ELOVL7: variants seen among roughly 807,000 people sequenced by gnomAD.
ELOVL7 encodes the protein ELOVL fatty acid elongase 7.
ELOVL7 carries 27 observed loss-of-function variants against 35.7 expected under a neutral mutation model. The observed-to-expected ratio is 0.76, with a 90% CI of 0.56 to 1.04. ELOVL7 has a LOEUF of 1.04. ELOVL7 is among the 50% of genes least tolerant of loss of function. The pLI is 0.00. For synonymous variants in ELOVL7, 113 were observed against 114.6 expected (o/e 0.99, Z 0.09); for missense variants, 327 against 340.8 (o/e 0.96, Z 0.32).
intron 3 of ELOVL7, among the ~76,000 whole-genome samples, chr5:60,773,717 A>T (rs1742738572): frequency 1.3e-5 from 2 of 152,252 alleles, no homozygotes; most frequent in South Asian, 4.1e-4. Context: ...GCTTGGGAGA[A>T]AAATGAGTTT....
intron 1 of ELOVL7, among the ~76,000 whole-genome samples, chr5:60,833,262 C>T (rs1371347053): frequency 6.6e-6 from 1 of 152,158 alleles, no homozygotes; most frequent in Non-Finnish European, 1.5e-5. Context: ...AACGAAATGG[C>T]CTCGTGTCCT....
chr5:60,765,287 A>G (rs1356298530), intron 6 of ELOVL7, among the ~76,000 whole-genome samples: 1 of 152,228 alleles, frequency 6.6e-6, no homozygotes, highest in Non-Finnish European at 1.5e-5. Flanking sequence ...CCCACTTAGT[A>G]GCAGCATTCC....
At chr5:60,802,303 C>T (rs1744691775) in intron 1 of ELOVL7, among the ~76,000 whole-genome samples, 1 of 151,508 alleles carries the variant, frequency 6.6e-6, no homozygotes, top group African/African-American at 2.4e-5. Context: ...TCAGAATCAC[C>T]CAGGGAGAGA....
At chr5:60,778,208 C>T (rs1171129629) in intron 3 of ELOVL7, among the ~76,000 whole-genome samples, 2 of 152,138 alleles carry the variant, frequency 1.3e-5, no homozygotes, top group East Asian at 1.9e-4. Flanking sequence ...GGAAGGCTTG[C>T]TATGGGTCTG....
chr5:60,830,801 ACT>A (rs1381570768), intron 1 of ELOVL7, among the ~76,000 whole-genome samples: 3 of 151,954 alleles, frequency 2.0e-5, no homozygotes, highest in African/African-American at 7.2e-5. Flanking sequence ...TGAAACTGAA[ACT>A]CTCATCAGAG....
At chr5:60,781,794 C>T (rs1743270790) in intron 3 of ELOVL7, among the ~76,000 whole-genome samples, 2 of 152,218 alleles carry the variant, frequency 1.3e-5, no homozygotes, top group Admixed American at 1.3e-4. Flanking sequence ...GGTTCTCCCA[C>T]TGGCTCGCTA....
In ELOVL7 at chr5:60,804,979, C is replaced by T. The variant is rs551833227; in HGVS notation, c.-85-5749G>A. 6.6e-5 allele frequency among the ~76,000 whole-genome samples: 10 copies of T among 152,280 alleles called. No individual in the cohort carries two copies. In the East Asian group the frequency reaches 7.7e-4, roughly 12 times the overall value. The stretch of plus-strand genomic sequence containing the variant: ...GGCACCTACTCAGATTTCTACAATG[C>T]GAAGCAGAATGCAGGGGCATGCAAA... On this transcript the variant is annotated intron_variant, in intron 1 of 8. Transcript: ENST00000508821.
chr5:60,837,438 C>T (rs956634498), intron 1 of ELOVL7, among the ~76,000 whole-genome samples: 1 of 150,580 alleles, frequency 6.6e-6, no homozygotes, highest in Non-Finnish European at 1.5e-5. Flanking sequence ...AACTGGGTGA[C>T]ACAGTGAGAC....
chr5:60,811,752 G>T (rs888226738), intron 1 of ELOVL7, among the ~76,000 whole-genome samples: 6 of 152,046 alleles, frequency 3.9e-5, no homozygotes, highest in South Asian at 2.1e-4. Context: ...CAGCAAGAAG[G>T]CCCTCACCAG....
chr5:60,788,294 T>A (rs1743720962), intron 2 of ELOVL7, among the ~76,000 whole-genome samples: 1 of 152,132 alleles, frequency 6.6e-6, no homozygotes, highest in South Asian at 2.1e-4. Flanking sequence ...AAATTACTGG[T>A]ATATTTGATT....
chr5:60,754,753 C>T lies in ELOVL7; in HGVS notation c.717G>A (p.Ala239=), dbSNP rs769830253. Residue 239 remains alanine (A), a synonymous_variant, in exon 9 of 9, where the codon GCG becomes GCA. Transcript: ENST00000508821. ...TGAAACTGTAACTCATAATGATGCA[C>T]GCAAAGACTGGAAACTGATACTTGC... is the stretch of plus-strand genomic sequence containing the variant. The part of the protein sequence containing the change: ...EDCKYQFPVF[A]CIIMSYSFMF... 13 of 1,613,920 alleles carry T rather than the reference C, an allele frequency of 8.1e-6. No individual in the cohort carries two copies. The highest frequency in any genetic ancestry group is 3.3e-5 in the Admixed American group (2 of 60,010).
chr5:60,782,657 G>C (rs1743330026), intron 3 of ELOVL7, among the ~76,000 whole-genome samples: 1 of 152,162 alleles, frequency 6.6e-6, no homozygotes, highest in Non-Finnish European at 1.5e-5. Context: ...GTGACAATAT[G>C]GATGAACTTG....
intron 1 of ELOVL7, among the ~76,000 whole-genome samples, chr5:60,833,010 TG>T (rs1746577075): frequency 6.6e-6 from 1 of 152,166 alleles, no homozygotes; most frequent in Non-Finnish European, 1.5e-5. Context: ...ACTTGTAACA[TG>T]GGGGAAGCAT....
At chr5:60,837,874 T>A (rs1746921276) in intron 1 of ELOVL7, among the ~76,000 whole-genome samples, 2 of 152,072 alleles carry the variant, frequency 1.3e-5, no homozygotes. Context: ...CACGGGAGGT[T>A]GCAGTAAGCC....
chr5:60,761,931 TC>T (rs1741938201), intron 7 of ELOVL7, among the ~76,000 whole-genome samples: 1 of 152,130 alleles, frequency 6.6e-6, no homozygotes, highest in African/African-American at 2.4e-5. Context: ...ATTCTGATTC[TC>T]CTTCTGTAAG....
At chr5:60,773,316 G>A (rs1421716005) in intron 3 of ELOVL7, among the ~76,000 whole-genome samples, 2 of 152,210 alleles carry the variant, frequency 1.3e-5, no homozygotes, top group Non-Finnish European at 2.9e-5. Flanking sequence ...AAGAAGGGTA[G>A]GGAGAATGTA....
intron 3 of ELOVL7, among the ~76,000 whole-genome samples, chr5:60,773,971 T>C (rs763652362): frequency 6.6e-6 from 1 of 152,264 alleles, no homozygotes; most frequent in Non-Finnish European, 1.5e-5. Flanking sequence ...TAGAATGTTA[T>C]TTAACATCTT....
At chr5:60,830,382 C>T (rs760917416) in intron 1 of ELOVL7, among the ~76,000 whole-genome samples, 2 of 152,138 alleles carry the variant, frequency 1.3e-5, no homozygotes. Context: ...GGGCAGAGGG[C>T]TGCAACAGTA....
At chr5:60,780,622 A>T (rs576059022) in intron 3 of ELOVL7, among the ~76,000 whole-genome samples, 11 of 152,314 alleles carry the variant, frequency 7.2e-5, no homozygotes, top group African/African-American at 2.6e-4. Context: ...AAGCAAAGAG[A>T]TTTAAATTTG....
Sources: gnomAD v4.1 joint callset for allele counts (sites outside exome capture counted in the v4.1 genomes callset) on GRCh38, gnomAD v4.1.1 for gene constraint, MANE v1.5 for transcripts, NCBI Gene and HGNC (gene_info 2026-07-23, HGNC 2026-07-21) for gene names.